TRAPPC9: variants seen among roughly 807,000 people sequenced by gnomAD.
TRAPPC9 encodes trafficking protein particle complex subunit 9, also known as IKK2 binding protein.
A neutral mutation model predicts 124.0 loss-of-function variants in TRAPPC9; 83 were observed. The ratio of observed to expected loss-of-function variants is 0.67; its 90% confidence interval spans 0.56 to 0.80. The LOEUF is 0.80. Ranked by LOEUF, TRAPPC9 falls within the 30% of genes least tolerant of loss-of-function variation. The pLI is 0.00. For missense variants in TRAPPC9, 1,302 were observed against 1,508.3 expected, an observed-to-expected ratio of 0.86 and a Z score of 2.27; for synonymous variants, 638 against 617.5, an observed-to-expected ratio of 1.03 and a Z score of -0.49.
In TRAPPC9 at chr8:140,281,836, C is replaced by T. The variant is rs535561544; in HGVS notation, c.2114+2053G>A. Among the ~76,000 whole-genome samples, 7 of 152,284 alleles carry T rather than the reference C, an allele frequency of 4.6e-5. No homozygotes were observed. In the South Asian group the frequency reaches 6.2e-4, roughly 14 times the overall value. On this transcript the variant is annotated intron_variant, in intron 14 of 22. Transcript: ENST00000438773. The stretch of plus-strand genomic sequence containing the variant: ...CACCTCTCCTTCCTCTGTTGAAGAC[C>T]GCCCTGCCTGCTCTTGCACCCAGCC...
chr8:140,192,104 C>CA (rs2062505592), intron 17 of TRAPPC9, among the ~76,000 whole-genome samples: 2 of 152,178 alleles, frequency 1.3e-5, no homozygotes, highest in South Asian at 4.1e-4. Context: ...TTTGGTTAAG[C>CA]AAAAGACTCT....
At chr8:140,221,230 G>A (rs1008220041) in intron 17 of TRAPPC9, among the ~76,000 whole-genome samples, 7 of 152,184 alleles carry the variant, frequency 4.6e-5, no homozygotes, top group South Asian at 4.1e-4. Flanking sequence ...TTCAGCCCAC[G>A]GAATCTCCGT....
chr8:139,886,556 G>A (rs1011059302), intron 20 of TRAPPC9, among the ~76,000 whole-genome samples: 1 of 152,160 alleles, frequency 6.6e-6, no homozygotes, highest in Non-Finnish European at 1.5e-5. Flanking sequence ...AACAGCCAAT[G>A]TGATTCTCAG....
At chr8:140,147,650 T>C (rs2061483058) in intron 17 of TRAPPC9, among the ~76,000 whole-genome samples, 1 of 152,208 alleles carries the variant, frequency 6.6e-6, no homozygotes, top group Non-Finnish European at 1.5e-5. Context: ...CTGGCTTCAA[T>C]GAGCATAATG....
chr8:140,175,637 T>C (rs1280158237), intron 17 of TRAPPC9, among the ~76,000 whole-genome samples: 2 of 152,158 alleles, frequency 1.3e-5, no homozygotes, highest in African/African-American at 4.8e-5. Flanking sequence ...GATTTAGATG[T>C]AAAACAACGA....
At chr8:140,368,824 G>T (rs1328550412) in intron 8 of TRAPPC9, among the ~76,000 whole-genome samples, 1 of 152,130 alleles carries the variant, frequency 6.6e-6, no homozygotes, top group Non-Finnish European at 1.5e-5. Flanking sequence ...GAGGCAGGAG[G>T]ATCGCTTCAG....
chr8:139,783,958 A>G (rs1822007390), intron 21 of TRAPPC9, among the ~76,000 whole-genome samples: 1 of 152,198 alleles, frequency 6.6e-6, no homozygotes, highest in South Asian at 2.1e-4. Flanking sequence ...CTGATTGAAA[A>G]TGTAAAAACT....
At chr8:139,845,595 T>A (rs1246450430) in intron 21 of TRAPPC9, among the ~76,000 whole-genome samples, 4 of 152,186 alleles carry the variant, frequency 2.6e-5, no homozygotes, top group African/African-American at 7.2e-5. Flanking sequence ...GAGGTCTCCT[T>A]ACACCGGGGA....
At chr8:140,266,625 A>G (rs143912071) in intron 15 of TRAPPC9, among the ~76,000 whole-genome samples, 28,125 of 151,876 alleles carry the variant, frequency 0.19, 2,692 homozygotes, top group Admixed American at 0.22. Context: ...TTGGGAGGCC[A>G]AGGCGGGTGG....
chr8:140,376,489 G>C (rs1382767471), intron 7 of TRAPPC9, among the ~76,000 whole-genome samples: 1 of 147,006 alleles, frequency 6.8e-6, no homozygotes, highest in African/African-American at 2.6e-5. Flanking sequence ...TTGGGAGACG[G>C]AACTTGCAGT....
intron 18 of TRAPPC9, among the ~76,000 whole-genome samples, chr8:139,993,486 C>A (rs1369085509): frequency 6.6e-6 from 1 of 152,190 alleles, no homozygotes; most frequent in Non-Finnish European, 1.5e-5. Context: ...CAAATTGGTA[C>A]AACTCCTTCA....
chr8:140,410,002 T>C (rs551286595), intron 5 of TRAPPC9, among the ~76,000 whole-genome samples: 1 of 152,112 alleles, frequency 6.6e-6, no homozygotes, highest in East Asian at 1.9e-4. Context: ...TAGCCAGGCA[T>C]GGTGGCACAC....
intron 17 of TRAPPC9, among the ~76,000 whole-genome samples, chr8:140,188,981 CA>C (rs137960650): frequency 0.15 from 22,140 of 152,172 alleles, 1,989 homozygotes; most frequent in Middle Eastern, 0.21. Context: ...GTTTCTAACC[CA>C]GGGGATGGCT....
At chr8:140,302,130 G>A (rs1048139401) in intron 10 of TRAPPC9, among the ~76,000 whole-genome samples, 1 of 152,166 alleles carries the variant, frequency 6.6e-6, no homozygotes, top group Admixed American at 6.5e-5. Flanking sequence ...AGCCTGCTCT[G>A]TGCAAAGCAT....
intron 11 of TRAPPC9, 78 bp from the exon 12 acceptor site, chr8:140,291,156 C>T (rs757352272): frequency 1.5e-6 from 2 of 1,329,362 alleles, no homozygotes; most frequent in South Asian, 1.2e-5. Flanking sequence ...CCAATTATTC[C>T]TCTGGCAATT....
intron 16 of TRAPPC9, among the ~76,000 whole-genome samples, chr8:140,233,166 G>A (rs1277223382): frequency 6.6e-6 from 1 of 151,508 alleles, no homozygotes; most frequent in Non-Finnish European, 1.5e-5. Flanking sequence ...TGTTTCTTCT[G>A]CACAAATTAG....
chr8:139,932,243 C>A (rs928676550), intron 19 of TRAPPC9: 11 of 443,172 alleles, frequency 2.5e-5, no homozygotes, highest in Admixed American at 1.7e-4. Context: ...GCCGTGCAGC[C>A]GAGGGAGTCC....
chr8:139,833,135 C>T (rs1003800263), intron 21 of TRAPPC9, among the ~76,000 whole-genome samples: 2 of 152,158 alleles, frequency 1.3e-5, no homozygotes, highest in African/African-American at 4.8e-5. Context: ...GCCACAAGGA[C>T]CTGAATTCTG....
Position 139,982,926 on chromosome 8 carries a change from C to G in TRAPPC9, c.2810+5800G>C, listed in dbSNP as rs145242782. On this transcript the variant is annotated intron_variant, in intron 19 of 22. Transcript: ENST00000438773. ...TGCTGCTCCCCCTGCCTGCACGGCT[C>G]TCCCTGGCACACTGGCCCTGGCCAC... Among the ~76,000 whole-genome samples, 500 of 152,334 alleles carry G rather than the reference C, an allele frequency of 3.3e-3. 2 individuals carry two copies. The highest frequency in any genetic ancestry group is 0.012 in the African/African-American group (479 of 41,578).
Sources: gnomAD v4.1 joint callset for allele counts (sites outside exome capture counted in the v4.1 genomes callset) on GRCh38, gnomAD v4.1.1 for gene constraint, MANE v1.5 for transcripts, NCBI Gene and HGNC (gene_info 2026-07-23, HGNC 2026-07-21) for gene names.